SH3PXD2B: variants seen among roughly 807,000 people sequenced by gnomAD.
SH3PXD2B encodes the protein SH3 and PX domains 2B, also known as SH3 and PX domain-containing protein 2B.
A neutral mutation model predicts 73.1 loss-of-function variants in SH3PXD2B; 37 were observed. The ratio of observed to expected loss-of-function variants is 0.51; its 90% CI spans 0.39 to 0.67. The LOEUF (loss-of-function observed/expected upper bound fraction) is 0.67, where lower values mean the gene tolerates loss of function less well. Ranked by LOEUF, SH3PXD2B falls within the 30% of genes least tolerant of loss-of-function variation. The pLI, the probability that SH3PXD2B is intolerant of heterozygous loss-of-function variation, is 0.00. For missense variants in SH3PXD2B, 1,053 were observed against 1,197.8 expected, an observed-to-expected ratio of 0.88 and a Z score of 1.78; for synonymous variants, 457 against 480.5, an observed-to-expected ratio of 0.95 and a Z score of 0.64.
At chr5:172,331,196 A>AAAAAAT (rs1204850808), downstream of SH3PXD2B, among the ~76,000 whole-genome samples, 2 of 152,238 alleles carry the variant, frequency 1.3e-5, no homozygotes, top group East Asian at 3.8e-4. Context: ...CTCTTGTCCA[A>AAAAAAT]AAAAATAAAA....
At chr5:172,341,386 A>G (rs1756845392) in intron 12 of SH3PXD2B, among the ~76,000 whole-genome samples, 2 of 152,184 alleles carry the variant, frequency 1.3e-5, no homozygotes, top group Non-Finnish European at 2.9e-5. Flanking sequence ...CAGATCCCTC[A>G]TGAATGGCTT....
chr5:172,435,537 C>G (rs1251671792), intron 1 of SH3PXD2B, among the ~76,000 whole-genome samples: 1 of 152,186 alleles, frequency 6.6e-6, no homozygotes, highest in Non-Finnish European at 1.5e-5. Flanking sequence ...ATTCTCCAGC[C>G]TCAGCCTCCT....
Position 172,336,097 on chromosome 5 carries a change from G to A in SH3PXD2B, c.*2272C>T. ...ACAGGACTCAAAGCTCTTCCAGCCA[G>A]GGATGGAGCCACACACATCCCAGTC... On this transcript the variant is annotated 3_prime_UTR_variant, in exon 13 of 13. Transcript: ENST00000311601. The A allele has an allele frequency of 1.0e-6, 1 of 988,564 alleles. No individual in the cohort carries two copies. Among genetic ancestry groups the A allele is most frequent in the Non-Finnish European group, 1.2e-6 (1 of 832,254 alleles). 61.2% of individuals were successfully genotyped at this position (988,564 alleles called of 1,614,324 possible).
intron 6 of SH3PXD2B, among the ~76,000 whole-genome samples, chr5:172,364,086 G>A (rs559782336): frequency 7.2e-5 from 11 of 152,218 alleles, no homozygotes; most frequent in African/African-American, 1.9e-4. Context: ...CCTGGGAGTC[G>A]TGTGGCCCTG....
At chr5:172,413,159 G>A (rs1758741096) in intron 2 of SH3PXD2B, among the ~76,000 whole-genome samples, 1 of 152,226 alleles carries the variant, frequency 6.6e-6, no homozygotes, top group African/African-American at 2.4e-5. Flanking sequence ...AGTGGAGAAA[G>A]GCCTGGGGCC....
chr5:172,423,548 G>GTC (rs57117776), intron 1 of SH3PXD2B, among the ~76,000 whole-genome samples: 1 of 120,226 alleles, frequency 8.3e-6, no homozygotes, highest in African/African-American at 2.9e-5. Flanking sequence ...ACGGGGTTGG[G>GTC]GGGGGGGGCG....
chr5:172,379,069 C>CAAAA (rs61301407), intron 5 of SH3PXD2B, among the ~76,000 whole-genome samples: 18 of 75,998 alleles, frequency 2.4e-4, no homozygotes, highest in African/African-American at 7.0e-4. Context: ...GACTCTGTCT[C>CAAAA]AAAAAAAAAA....
intron 3 of SH3PXD2B, among the ~76,000 whole-genome samples, chr5:172,397,401 G>A (rs1383685415): frequency 2.6e-5 from 4 of 152,128 alleles, no homozygotes; most frequent in Admixed American, 6.5e-5. Flanking sequence ...CATTTGCCTT[G>A]TAATATTTTA....
In SH3PXD2B at chr5:172,355,691, C is replaced by A. The variant is rs1054233513; in HGVS notation, c.668-1686G>T. ...TCCCGAGTAGCTGGGACTACAGGTG[C>A]CCGCCACCACGCCCGGCTAATTTTT... On this transcript the variant is annotated intron_variant, in intron 8 of 12. Coordinates refer to ENST00000311601, the MANE Select transcript of SH3PXD2B (RefSeq NM_001017995.3). Among the ~76,000 whole-genome samples the A allele has an allele frequency of 3.9e-5, 6 of 152,170 alleles. No homozygotes were observed. The East Asian group carries it at 1.2e-3, about 29-fold the overall frequency.
intron 2 of SH3PXD2B, 55 bp from the exon 3 acceptor site, chr5:172,406,407 A>C (rs1257682160): frequency 6.4e-7 from 1 of 1,554,540 alleles, no homozygotes; most frequent in Non-Finnish European, 8.9e-7. Flanking sequence ...ACTAAACATC[A>C]TCTAGGACAT....
intron 1 of SH3PXD2B, among the ~76,000 whole-genome samples, chr5:172,427,978 A>C (rs1397848348): frequency 6.6e-6 from 1 of 151,866 alleles, no homozygotes; most frequent in Non-Finnish European, 1.5e-5. Flanking sequence ...GGGTTTCACT[A>C]TCTTGGCCAG....
At position 172,417,378 on chromosome 5, in the gene SH3PXD2B, C is replaced by T. The variant is rs112240707; in HGVS notation, c.156+5038G>A. On this transcript the variant is annotated intron_variant, in intron 2 of 12. Transcript: ENST00000311601. Reference sequence around the variant, plus strand: ...GTGGCTGCCACCAGCTGGACATCAACTGGCCTGGACACAAAGAAAGCTAAG... The same window carrying T: ...GTGGCTGCCACCAGCTGGACATCAATTGGCCTGGACACAAAGAAAGCTAAG... Among the ~76,000 whole-genome samples the T allele has an allele frequency of 2.0e-3, 306 of 152,322 alleles. 1 individual carries two copies. The highest frequency in any genetic ancestry group is 7.0e-3 in the African/African-American group (290 of 41,570).
chr5:172,340,344 G>C (rs1418738862), intron 12 of SH3PXD2B, among the ~76,000 whole-genome samples: 1 of 152,162 alleles, frequency 6.6e-6, no homozygotes, highest in Non-Finnish European at 1.5e-5. Context: ...CTGGGGATGC[G>C]TGCATTTATC....
chr5:172,333,912 C>T lies in SH3PXD2B; in HGVS notation c.*4457G>A. ...ATAATTACACGGGCACAAAGGCATACATGGGCACACACTGGGGTAAAATGT... is the reference window on the plus strand; with the variant it reads ...ATAATTACACGGGCACAAAGGCATATATGGGCACACACTGGGGTAAAATGT... On this transcript the variant is annotated 3_prime_UTR_variant, in exon 13 of 13. Coordinates refer to ENST00000311601, the MANE Select transcript of SH3PXD2B (RefSeq NM_001017995.3). The T allele has an allele frequency of 7.9e-7, 1 of 1,261,906 alleles. No individual in the cohort carries two copies. Among genetic ancestry groups the T allele is most frequent in the Non-Finnish European group, 1.0e-6 (1 of 981,128 alleles). 78.2% of individuals were successfully genotyped at this position (1,261,906 alleles called of 1,614,324 possible). A position where few individuals can be genotyped will look rare whatever the true frequency, so the allele number is the denominator to read the frequency against.
chr5:172,353,879 G>A lies in SH3PXD2B; in HGVS notation c.785+9C>T, dbSNP rs1358485971. 1.4e-5 allele frequency: 23 copies of A among 1,611,242 alleles called. No individual in the cohort carries two copies. Among genetic ancestry groups the A allele is most frequent in the South Asian group, 3.3e-5 (3 of 90,996 alleles). On this transcript the variant is annotated intron_variant, in intron 9 of 12. Transcript: ENST00000311601. This position sits in a 1 kb window ranked among gnomAD's most constrained non-coding sequence, Gnocchi z 4.3. ...CCACCCAGCAACCGTGGGGGGCAGC[G>A]GCTGGTACCTGATCTTCCACCAGCC...
At chr5:172,359,405 A>G (rs938450625) in intron 7 of SH3PXD2B, among the ~76,000 whole-genome samples, 1 of 151,432 alleles carries the variant, frequency 6.6e-6, no homozygotes, top group Admixed American at 6.6e-5. Flanking sequence ...AAAAAAAAAA[A>G]AAGTATAAAG....
chr5:172,331,178 G>A (rs531065898), downstream of SH3PXD2B, among the ~76,000 whole-genome samples: 6 of 152,360 alleles, frequency 3.9e-5, no homozygotes, highest in African/African-American at 1.4e-4. Context: ...TTGGGCGACA[G>A]AGCGAGACTC....
chr5:172,394,857 G>T (rs1415846782), intron 3 of SH3PXD2B, among the ~76,000 whole-genome samples: 1 of 152,156 alleles, frequency 6.6e-6, no homozygotes, highest in Non-Finnish European at 1.5e-5. Flanking sequence ...AAGGGCTTGG[G>T]GGAATGGGAC....
chr5:172,386,616 C>G (rs1275147433), intron 4 of SH3PXD2B, among the ~76,000 whole-genome samples: 1 of 151,656 alleles, frequency 6.6e-6, no homozygotes, highest in Non-Finnish European at 1.5e-5. Context: ...ACATGATACC[C>G]ATTTGTTTTG....
Sources: allele counts gnomAD v4.1 joint callset (sites outside exome capture counted in the v4.1 genomes callset), GRCh38; gene constraint gnomAD v4.1.1; non-coding constraint Gnocchi (gnomAD v3.1); transcripts MANE v1.5; gene names NCBI Gene and HGNC (gene_info 2026-07-23, HGNC 2026-07-21).